Variants in RIPPLY2 observed in about 807,000 individuals in gnomAD.
The protein encoded by RIPPLY2 is protein ripply2.
Under a neutral mutation model 17.7 loss-of-function variants are expected in RIPPLY2, and 20 were observed. The ratio of observed to expected loss-of-function variants is 1.13; its 90% CI spans 0.79 to 1.64. The LOEUF (loss-of-function observed/expected upper bound fraction) is 1.64, where lower values mean the gene tolerates loss of function less well. RIPPLY2 is among the 40% of genes most tolerant of loss of function. The pLI is 0.00. For missense variants in RIPPLY2, 213 were observed against 169.8 expected (o/e 1.25, Z -1.41); for synonymous variants, 69 against 63.9 (o/e 1.08, Z -0.38).
Position 83,853,451 on chromosome 6 carries a change from G to C in RIPPLY2, c.35G>C (p.Ser12Thr), listed in dbSNP as rs1056866161. ...ENAGGAEGTESGAAACAATDG... is the reference protein window; with the variant it reads ...ENAGGAEGTETGAAACAATDG... The stretch of plus-strand genomic sequence containing the variant: ...GCGGGAGGCGCAGAGGGTACAGAGA[G>C]TGGAGCTGCGGCGTGCGCGGCCACC... The change falls in exon 1 of 4, where the codon AGT becomes ACT. Residue 12 changes from serine (S) to threonine (T), a missense_variant. Transcript: ENST00000369689. 31 of 1,543,608 alleles carry C rather than the reference G, an allele frequency of 2.0e-5. No homozygotes were observed. The Admixed American group carries it at 5.3e-4, about 26-fold the overall frequency.
At chr6:83,853,553 G>C (rs1054157075) in intron 1 of RIPPLY2, 42 bp downstream of exon 1, 20 of 1,535,884 alleles carry the variant, frequency 1.3e-5, no homozygotes, top group Admixed American at 6.3e-5. Flanking sequence ...AGCTTCCCCC[G>C]TCTCTCCCTC....
At chr6:83,856,249 T>C (rs1413529479) in intron 3 of RIPPLY2, 2 of 152,238 alleles carry the variant, frequency 1.3e-5, no homozygotes, top group East Asian at 3.8e-4. Context: ...TGATAGTTAC[T>C]TGTTTAAGCA....
rs764514002 is a variant in RIPPLY2, at chr6:83,857,343, A to G, written c.341A>G (p.Asp114Gly). ...PIQATISFYE[D>G]SDSEDEIEDL... ...CAAGCCACAATTTCATTTTATGAAG[A>G]TTCTGATAGCGAAGATGAAATTGAG... Residue 114 changes from aspartate to glycine, a missense_variant, in exon 4 of 4, where the codon GAT (aspartate) becomes GGT (glycine). By Grantham distance (94) the Asp-to-Gly change is moderately conservative (BLOSUM62 -1). Coordinates refer to ENST00000369689, the MANE Select transcript of RIPPLY2 (RefSeq NM_001009994.3). 40 of 1,585,210 alleles carry G rather than the reference A, an allele frequency of 2.5e-5. No homozygotes were observed. The highest frequency in any genetic ancestry group is 3.2e-5 in the Non-Finnish European group (38 of 1,171,086).
chr6:83,853,607 T>G, intron 1 of RIPPLY2, 88 bp from the exon 2 acceptor site: 1 of 1,551,528 alleles, frequency 6.4e-7, no homozygotes, highest in Non-Finnish European at 8.7e-7. Flanking sequence ...CATCCCCCAC[T>G]GCCCGGTGCC....
rs745478007 is a variant in RIPPLY2, at chr6:83,853,753, C to T, written c.154C>T (p.Pro52Ser). The change falls in exon 2 of 4, where the codon CCG (proline) becomes TCG (serine). Residue 52 changes from proline (P) to serine (S), a missense_variant. Pro to Ser is a moderately conservative substitution (Grantham distance 74). Transcript: ENST00000369689. The stretch of plus-strand genomic sequence containing the variant: ...CGGAGGCAAGAAAGAAGAGGAGACG[C>T]CGAACCACGCCGCGGAGGCGGTGAG... ...DAGGKKEEET[P>S]NHAAEAMPDG... is the part of the protein sequence containing the mutation. The T allele has an allele frequency of 3.1e-6, 5 of 1,613,036 alleles. No homozygotes were observed. Among genetic ancestry groups the T allele is most frequent in the Non-Finnish European group, 2.5e-6 (3 of 1,179,854 alleles).
intron 2 of RIPPLY2, 101 bp downstream of exon 2, chr6:83,853,874 G>C (rs983436853): frequency 6.3e-5 from 72 of 1,141,116 alleles, no homozygotes; most frequent in Non-Finnish European, 1.3e-5. Context: ...GAGACACCGG[G>C]TCCTGCCTCT....
At chr6:83,856,662 T>C (rs1227711823) in intron 3 of RIPPLY2, 1 of 152,194 alleles carries the variant, frequency 6.6e-6, no homozygotes, top group East Asian at 1.9e-4. Flanking sequence ...AAGTAGTCTT[T>C]CTATGCCTCA....
chr6:83,853,504 G>C lies in RIPPLY2; in HGVS notation c.88G>C (p.Asp30His). The C allele has an allele frequency of 1.3e-6, 2 of 1,538,712 alleles. No homozygotes were observed. Among genetic ancestry groups the C allele is most frequent in the South Asian group, 2.4e-5 (2 of 83,796 alleles). ...TDGPTRRAGADSGYAGFWRPW... is the reference protein window; with the variant it reads ...TDGPTRRAGAHSGYAGFWRPW... ...CGGCCCTACGCGGCGCGCGGGCGCG[G>C]ACTCCGGGTAGGCTTCCCCGCGCTG... Residue 30 changes from aspartate (D) to histidine (H), a missense_variant, in exon 1 of 4, where the codon GAC (aspartate) becomes CAC (histidine). Physicochemically the swap from Asp to His is moderately conservative, Grantham distance 81 (BLOSUM62 -1). Transcript: ENST00000369689.
At position 83,853,380 on chromosome 6, in the gene RIPPLY2, G is replaced by A. The variant is rs182759716; in HGVS notation, c.-37G>A. On this transcript the variant is annotated 5_prime_UTR_variant, in exon 1 of 4. Transcript: ENST00000369689. ...ACTGGAACTGGTCAAGATTGCCCGCGAGCTGGCAGCGGCCTTCCGCCCAGC... is the reference window on the plus strand; with the variant it reads ...ACTGGAACTGGTCAAGATTGCCCGCAAGCTGGCAGCGGCCTTCCGCCCAGC... 340 of 1,518,932 alleles carry A rather than the reference G, an allele frequency of 2.2e-4. 1 individual carries two copies. The East Asian group carries it at 8.0e-3, about 36-fold the overall frequency. 94.1% of individuals were successfully genotyped at this position (1,518,932 alleles called of 1,614,324 possible). A position where few individuals can be genotyped will look rare whatever the true frequency, so the allele number is the denominator to read the frequency against.
intron 2 of RIPPLY2, 27 bp downstream of exon 2, chr6:83,853,800 C>G (rs753718662): frequency 6.3e-7 from 1 of 1,591,108 alleles, no homozygotes; most frequent in South Asian, 1.1e-5. Flanking sequence ...TCTCAGGCCG[C>G]GCCTCCCACG....
intron 2 of RIPPLY2, 121 bp downstream of exon 2, chr6:83,853,894 T>A (rs1588553087): frequency 9.5e-7 from 1 of 1,052,896 alleles, no homozygotes; most frequent in East Asian, 2.5e-5. Flanking sequence ...TCGCTTAACA[T>A]CCCGCCTGCC....
At position 83,857,443 on chromosome 6, in the gene RIPPLY2, T is replaced by C; in HGVS notation, c.*54T>C. The C allele has an allele frequency of 2.7e-6, 3 of 1,113,912 alleles. No individual in the cohort carries two copies. Among genetic ancestry groups the C allele is most frequent in the Non-Finnish European group, 3.7e-6 (3 of 806,536 alleles). The allele number at this position is 1,113,912 out of a possible 1,614,324, so 69.0% of individuals were successfully genotyped here. A position where few individuals can be genotyped will look rare whatever the true frequency, so the allele number is the denominator to read the frequency against. ...AAGCTTGTGGGGTTTAAATTTAGTG[T>C]ACAAATGTATCATAATTATTTTAAA... On this transcript the variant is annotated 3_prime_UTR_variant, in exon 4 of 4. Transcript: ENST00000369689.
chr6:83,853,528 T>A lies in RIPPLY2; in HGVS notation c.95+17T>A. 6.5e-7 allele frequency: 1 copy of A among 1,535,336 alleles called. No homozygotes were observed. Among genetic ancestry groups the A allele is most frequent in the Non-Finnish European group, 8.7e-7 (1 of 1,144,772 alleles). ...GGACTCCGGGTAGGCTTCCCCGCGC[T>A]GCTCTGCGCCTCCCAGCTTCCCCCG... On this transcript the variant is annotated intron_variant, in intron 1 of 3. Transcript: ENST00000369689.
At chr6:83,853,604 C>G (rs1384268097) in intron 1 of RIPPLY2, 91 bp from the exon 2 acceptor site, 1 of 1,550,418 alleles carries the variant, frequency 6.4e-7, no homozygotes, top group African/African-American at 1.4e-5. Context: ...CTCCATCCCC[C>G]ACTGCCCGGT....
chr6:83,857,394 A>G lies in RIPPLY2; in HGVS notation c.*5A>G. ...GATCTGACCTGTGAAAATTAATCTG[A>G]TTAGCTACTTTTGATTATATCCAAA... On this transcript the variant is annotated 3_prime_UTR_variant, in exon 4 of 4. Transcript: ENST00000369689. The G allele has an allele frequency of 1.3e-6, 2 of 1,560,864 alleles. No homozygotes were observed. Among genetic ancestry groups the G allele is most frequent in the Non-Finnish European group, 1.7e-6 (2 of 1,159,560 alleles).
In RIPPLY2 at chr6:83,853,755, G is replaced by A. The variant is rs1299763329; in HGVS notation, c.156G>A (p.Pro52=). The A allele has an allele frequency of 1.9e-6, 3 of 1,613,066 alleles. No homozygotes were observed. Among genetic ancestry groups the A allele is most frequent in the Admixed American group, 3.3e-5 (2 of 59,972 alleles). Residue 52 remains proline (P), a synonymous_variant, in exon 2 of 4, where the codon CCG becomes CCA. Coordinates refer to ENST00000369689, the MANE Select transcript of RIPPLY2 (RefSeq NM_001009994.3). ...DAGGKKEEET[P]NHAAEAMPDG... ...GAGGCAAGAAAGAAGAGGAGACGCC[G>A]AACCACGCCGCGGAGGCGGTGAGTG...
chr6:83,857,332 AT>A lies in RIPPLY2; in HGVS notation c.334del (p.Tyr112MetfsTer13). On this transcript the variant is annotated frameshift_variant, in exon 4 of 4. Coordinates refer to ENST00000369689, the MANE Select transcript of RIPPLY2 (RefSeq NM_001009994.3). LOFTEE classifies it high-confidence loss of function. ...ATTTTCCAATTCAAGCCACAATTTC[AT>A]TTTATGAAGATTCTGATAGCGAAGA... ...KNFPIQATIS[F>X]YEDSDSEDEI... The A allele has an allele frequency of 6.3e-7, 1 of 1,584,980 alleles. No individual in the cohort carries two copies. Among genetic ancestry groups the A allele is most frequent in the Admixed American group, 1.9e-5 (1 of 52,788 alleles).
rs761208012 is a variant in RIPPLY2 at position 83,853,697 on chromosome 6, A to G, written c.98A>G (p.Tyr33Cys). 1 of 1,613,630 alleles carries G rather than the reference A, an allele frequency of 6.2e-7. No homozygotes were observed. Among genetic ancestry groups the G allele is most frequent in the South Asian group, 1.1e-5 (1 of 90,982 alleles). ...CCTTGTGCTCCCCTATCCCGCAGATACGCAGGCTTCTGGAGACCCTGGGTG... is the reference window on the plus strand; with the variant it reads ...CCTTGTGCTCCCCTATCCCGCAGATGCGCAGGCTTCTGGAGACCCTGGGTG... The part of the protein sequence containing the change: ...PTRRAGADSG[Y>C]AGFWRPWVDA... Residue 33 changes from tyrosine (Y) to cysteine (C), a missense_variant and splice_region_variant, in exon 2 of 4, where the codon TAC becomes TGC. Coordinates refer to ENST00000369689, the MANE Select transcript of RIPPLY2 (RefSeq NM_001009994.3).
chr6:83,857,289 C>A lies in RIPPLY2; in HGVS notation c.287C>A (p.Ala96Glu). ...TGTTATGATTACTTATATCAAGAAG[C>A]AGAAGCTCTTCTGAAAAATTTTCCA... ...SKCYDYLYQE[A>E]EALLKNFPIQ... is the part of the protein sequence containing the mutation. The change falls in exon 4 of 4, where the codon GCA becomes GAA. Residue 96 changes from alanine to glutamate, a missense_variant. By Grantham distance (107) the Ala-to-Glu change is moderately radical. Transcript: ENST00000369689. The A allele has an allele frequency of 6.4e-7, 1 of 1,555,654 alleles. No individual in the cohort carries two copies. Among genetic ancestry groups the A allele is most frequent in the Non-Finnish European group, 8.7e-7 (1 of 1,154,170 alleles).
Sources: allele counts gnomAD v4.1 joint callset, GRCh38; gene constraint gnomAD v4.1.1; transcripts MANE v1.5; gene names NCBI Gene and HGNC (gene_info 2026-07-23, HGNC 2026-07-21).